DOCK2: variants seen among roughly 807,000 people sequenced by gnomAD.
DOCK2 encodes dedicator of cytokinesis 2, also known as dedicator of cytokinesis protein 2.
Under a neutral mutation model 248.9 loss-of-function variants are expected in DOCK2, and 87 were observed. The ratio of observed to expected loss-of-function variants is 0.35; its 90% CI spans 0.29 to 0.42. The LOEUF (loss-of-function observed/expected upper bound fraction) is 0.42. Ranked by LOEUF, DOCK2 falls within the 10% of genes least tolerant of loss-of-function variation. The probability of loss-of-function intolerance (pLI) is 1.00; values close to 1 mark genes in which losing one functional copy is unlikely to be tolerated. For missense variants in DOCK2, 1,747 were observed against 2,300.2 expected (o/e 0.76, Z 4.92); for synonymous variants, 805 against 821.6 (o/e 0.98, Z 0.35).
chr5:170,004,499 G>A (rs1360084960), intron 30 of DOCK2, among the ~76,000 whole-genome samples: 3 of 152,206 alleles, frequency 2.0e-5, no homozygotes, highest in African/African-American at 7.2e-5. Context: ...GTTCATGGAA[G>A]TCAGTGTGGC....
At chr5:169,807,614 C>T (rs967420146) in intron 26 of DOCK2, among the ~76,000 whole-genome samples, 2 of 152,026 alleles carry the variant, frequency 1.3e-5, no homozygotes, top group African/African-American at 2.4e-5. Context: ...GGGCGGATCA[C>T]GAGGTCAGGA....
intron 13 of DOCK2, 25 bp downstream of exon 13, chr5:169,700,164 C>T (rs752042022): frequency 6.2e-7 from 1 of 1,608,382 alleles, no homozygotes; most frequent in Admixed American, 1.7e-5. Flanking sequence ...CTCTGACCTT[C>T]CCCTGGGGAC....
chr5:169,859,976 C>CTT (rs1328792487), intron 27 of DOCK2, among the ~76,000 whole-genome samples: 22 of 85,980 alleles, frequency 2.6e-4, no homozygotes, highest in South Asian at 2.0e-3. Context: ...TTTTTTTTTT[C>CTT]TTTTTTTTTT....
At chr5:169,760,608 G>T (rs1764431772) in intron 24 of DOCK2, among the ~76,000 whole-genome samples, 1 of 152,106 alleles carries the variant, frequency 6.6e-6, no homozygotes, top group African/African-American at 2.4e-5. Flanking sequence ...TCTTGGAAAA[G>T]CTACTGCTGG....
intron 30 of DOCK2, chr5:169,998,013 A>G (rs1754706552): frequency 4.4e-6 from 2 of 456,338 alleles, no homozygotes; most frequent in Non-Finnish European, 4.4e-6. Context: ...GGCTTGCTGG[A>G]AGAATCCACT....
chr5:169,985,803 T>G, intron 28 of DOCK2, 25 bp from the exon 29 acceptor site: 1 of 1,582,502 alleles, frequency 6.3e-7, no homozygotes, highest in South Asian at 1.2e-5. Context: ...CAGGATGACA[T>G]GTGTGCTGTG....
At chr5:169,998,073 T>A in intron 30 of DOCK2, 1 of 456,092 alleles carries the variant, frequency 2.2e-6, no homozygotes, top group Non-Finnish European at 4.4e-6. Flanking sequence ...TAAAGAGGCC[T>A]CCCCTCCTGA....
intron 27 of DOCK2, among the ~76,000 whole-genome samples, chr5:169,982,421 C>A (rs1191295784): frequency 1.3e-5 from 2 of 152,178 alleles, no homozygotes; most frequent in African/African-American, 4.8e-5. Context: ...CTCTGTGTCC[C>A]TGCCTTGATT....
intron 27 of DOCK2, among the ~76,000 whole-genome samples, chr5:169,928,297 C>A (rs1581430552): frequency 6.6e-6 from 1 of 152,052 alleles, no homozygotes; most frequent in African/African-American, 2.4e-5. Context: ...CTGTTCTTGC[C>A]CAGTCTGTTC....
chr5:169,874,419 AAAAAAAAAAAAAAGC>A (rs1772183498), intron 27 of DOCK2, among the ~76,000 whole-genome samples: 1 of 151,644 alleles, frequency 6.6e-6, no homozygotes, highest in Admixed American at 6.6e-5. Context: ...TCAAAAAAAA[AAAAAAAAAAAAAAGC>A]AATTGGTGGT....
At chr5:169,804,232 T>C (rs1767168632) in intron 26 of DOCK2, among the ~76,000 whole-genome samples, 1 of 152,246 alleles carries the variant, frequency 6.6e-6, no homozygotes, top group Non-Finnish European at 1.5e-5. Flanking sequence ...TGTCTTCTCC[T>C]GTCTCTTCCT....
At chr5:169,893,672 C>T (rs1350063202) in intron 27 of DOCK2, among the ~76,000 whole-genome samples, 1 of 152,064 alleles carries the variant, frequency 6.6e-6, no homozygotes, top group Admixed American at 6.6e-5. Context: ...CATGTTTCAC[C>T]CCTCTTCTCC....
intron 27 of DOCK2, chr5:169,881,491 G>A: frequency 6.9e-7 from 1 of 1,447,488 alleles, no homozygotes; most frequent in Non-Finnish European, 9.5e-7. Flanking sequence ...AAAGTCACGT[G>A]GGCCACAAAC....
intron 26 of DOCK2, among the ~76,000 whole-genome samples, chr5:169,829,096 G>T (rs1304124913): frequency 1.3e-5 from 2 of 152,112 alleles, no homozygotes. Context: ...GTTTGCGATT[G>T]GATGGGGGAG....
intron 27 of DOCK2, among the ~76,000 whole-genome samples, chr5:169,899,123 A>G (rs1409992781): frequency 6.6e-6 from 1 of 152,174 alleles, no homozygotes; most frequent in Non-Finnish European, 1.5e-5. Context: ...ATTAGAAGAG[A>G]TATTAGACAT....
At chr5:169,705,188 G>A (rs1375941614) in intron 14 of DOCK2, among the ~76,000 whole-genome samples, 1 of 152,082 alleles carries the variant, frequency 6.6e-6, no homozygotes, top group Non-Finnish European at 1.5e-5. Context: ...CACGCCATAG[G>A]TATAAGGCAC....
rs1554127833 is a variant in DOCK2, at chr5:170,040,690, G to GCGACCCAGAGAGGTGCCCAGTTGT, written c.3666-365_3666-364insCGACCCAGAGAGGTGCCCAGTTGT. The GCGACCCAGAGAGGTGCCCAGTTGT allele has an allele frequency of 3.1e-5, 6 of 196,386 alleles. 1 individual carries two copies. The highest frequency in any genetic ancestry group is 1.3e-4 in the African/African-American group (5 of 37,952). The allele number at this position is 196,386 out of a possible 1,614,324, so 12.2% of individuals were successfully genotyped here. ...TCTCCTTCCTTTATTTCTCTTGCTT[G>GCGACCCAGAGAGGTGCCCAGTTGT]TCATATTGCATTGGCCAGACCATTC... On this transcript the variant is annotated intron_variant, in intron 36 of 51. Coordinates refer to ENST00000520908, the MANE Select transcript of DOCK2 (RefSeq NM_004946.3).
chr5:170,062,077 G>A (rs1365067467), intron 44 of DOCK2, among the ~76,000 whole-genome samples: 1 of 151,456 alleles, frequency 6.6e-6, no homozygotes, highest in East Asian at 1.9e-4. Flanking sequence ...ATGTATATGT[G>A]TATCTATGTG....
chr5:169,687,706 C>T (rs1421004751), intron 8 of DOCK2, among the ~76,000 whole-genome samples: 1 of 152,152 alleles, frequency 6.6e-6, no homozygotes, highest in African/African-American at 2.4e-5. Flanking sequence ...TCTCTATCTT[C>T]CTGGAGTGAT....
Sources: allele counts gnomAD v4.1 joint callset (sites outside exome capture counted in the v4.1 genomes callset), GRCh38; gene constraint gnomAD v4.1.1; transcripts MANE v1.5; gene names NCBI Gene and HGNC (gene_info 2026-07-23, HGNC 2026-07-21).